The following ARHGEF7 variants were observed in gnomAD, a reference collection of about 807,000 sequenced individuals.
ARHGEF7 encodes the protein Rho guanine nucleotide exchange factor 7, also known as PAK-interacting exchange factor beta.
In ARHGEF7, 33 loss-of-function variants were observed where a neutral mutation model predicts 109.8. The ratio of observed to expected loss-of-function variants is 0.30; its 90% CI spans 0.23 to 0.40. The LOEUF (loss-of-function observed/expected upper bound fraction) is 0.40. ARHGEF7 is among the 10% of genes least tolerant of loss of function. ARHGEF7 has a pLI of 1.00. For synonymous variants in ARHGEF7, 458 were observed against 424.6 expected, an observed-to-expected ratio of 1.08 and a Z score of -0.97; for missense variants, 938 against 1,098.5, an observed-to-expected ratio of 0.85 and a Z score of 2.07.
At chr13:111,149,950 C>T (rs1401368911) in intron 1 of ARHGEF7, among the ~76,000 whole-genome samples, 1 of 152,164 alleles carries the variant, frequency 6.6e-6, no homozygotes, top group African/African-American at 2.4e-5. Flanking sequence ...TCAGTGAGTG[C>T]ACTGTGGTTT....
intron 3 of ARHGEF7, among the ~76,000 whole-genome samples, chr13:111,208,037 A>G (rs1046716496): frequency 6.6e-6 from 1 of 152,104 alleles, no homozygotes; most frequent in Non-Finnish European, 1.5e-5. Flanking sequence ...TGGGAAGGCA[A>G]TACCCGTACG....
intron 3 of ARHGEF7, among the ~76,000 whole-genome samples, chr13:111,206,917 G>C (rs1005461643): frequency 7.0e-6 from 1 of 142,456 alleles, no homozygotes; most frequent in East Asian, 2.0e-4. Context: ...AGCCGAGATC[G>C]CGCCACTGCA....
intron 2 of ARHGEF7, among the ~76,000 whole-genome samples, chr13:111,180,948 C>A (rs558587927): frequency 1.3e-5 from 2 of 152,306 alleles, no homozygotes; most frequent in African/African-American, 2.4e-5. Context: ...GTTCAAAATG[C>A]CCCCCATCAT....
At chr13:111,184,332 G>A (rs2079047555) in intron 2 of ARHGEF7, among the ~76,000 whole-genome samples, 2 of 152,144 alleles carry the variant, frequency 1.3e-5, no homozygotes, top group African/African-American at 2.4e-5. Context: ...GCGTGAGAAC[G>A]GACTAATACA....
At chr13:111,173,254 G>C (rs527300049) in intron 2 of ARHGEF7, among the ~76,000 whole-genome samples, 102 of 152,316 alleles carry the variant, frequency 6.7e-4, no homozygotes, top group Admixed American at 2.0e-3. Flanking sequence ...AATGCATACT[G>C]CCTGGGAGGG....
At chr13:111,132,973 TAC>T (rs372321958) in intron 1 of ARHGEF7, among the ~76,000 whole-genome samples, 28 of 152,234 alleles carry the variant, frequency 1.8e-4, no homozygotes, top group African/African-American at 6.5e-4. Context: ...CATGCATCTG[TAC>T]ACACATGTAT....
At chr13:111,219,210 T>A (rs2083512222) in intron 5 of ARHGEF7, among the ~76,000 whole-genome samples, 1 of 152,198 alleles carries the variant, frequency 6.6e-6, no homozygotes, top group Non-Finnish European at 1.5e-5. Flanking sequence ...CCATTCTGCT[T>A]TCTGTCTCTG....
intron 8 of ARHGEF7, among the ~76,000 whole-genome samples, chr13:111,256,196 C>T (rs933255881): frequency 6.6e-6 from 1 of 152,048 alleles, no homozygotes; most frequent in Admixed American, 6.5e-5. Context: ...ACGGCATAAA[C>T]CAAAGAAGGC....
intron 2 of ARHGEF7, among the ~76,000 whole-genome samples, chr13:111,181,101 TTAG>T (rs771235293): frequency 1.3e-5 from 2 of 152,250 alleles, no homozygotes; most frequent in Non-Finnish European, 2.9e-5. Context: ...TGTTTATCTC[TTAG>T]TGGTGAATTT....
intron 5 of ARHGEF7, among the ~76,000 whole-genome samples, chr13:111,224,509 T>C (rs1220769061): frequency 2.0e-5 from 3 of 152,354 alleles, no homozygotes; most frequent in East Asian, 1.9e-4. Flanking sequence ...TATTATCTGT[T>C]GTAAAGACAT....
rs1428204441 is a variant in ARHGEF7, at chr13:111,233,713, T to C, written c.759+420T>C. On this transcript the variant is annotated intron_variant, in intron 6 of 21. Coordinates refer to ENST00000646102, the MANE Select transcript of ARHGEF7 (RefSeq NM_001354046.2). Reference sequence around the variant, plus strand: ...TAATTTATTTTTTCTCTTAATATAGTGTTTCCCAGGATTGATGTGTACATA... The same window carrying C: ...TAATTTATTTTTTCTCTTAATATAGCGTTTCCCAGGATTGATGTGTACATA... 3.9e-5 allele frequency among the ~76,000 whole-genome samples: 6 copies of C among 152,364 alleles called. No homozygotes were observed. In the South Asian group the frequency reaches 1.2e-3, roughly 32 times the overall value.
intron 2 of ARHGEF7, among the ~76,000 whole-genome samples, chr13:111,167,045 C>T (rs542728175): frequency 1.5e-4 from 23 of 152,292 alleles, no homozygotes; most frequent in Admixed American, 5.9e-4. Context: ...TGCGTACTGA[C>T]GTTGCTCATT....
chr13:111,248,894 G>C (rs952016410), intron 8 of ARHGEF7, among the ~76,000 whole-genome samples: 2 of 152,124 alleles, frequency 1.3e-5, no homozygotes, highest in Admixed American at 1.3e-4. Context: ...TTTACTGTGG[G>C]TTGTAGACTC....
intron 6 of ARHGEF7, among the ~76,000 whole-genome samples, chr13:111,237,226 C>T (rs2086958475): frequency 6.6e-6 from 1 of 152,064 alleles, no homozygotes; most frequent in Admixed American, 6.5e-5. Flanking sequence ...ACAAGGTTAT[C>T]CTTAATGTCT....
chr13:111,133,499 C>T (rs2074895321), intron 1 of ARHGEF7, among the ~76,000 whole-genome samples: 1 of 151,806 alleles, frequency 6.6e-6, no homozygotes, highest in Non-Finnish European at 1.5e-5. Flanking sequence ...AATGGCAGAG[C>T]TGCTCAACAC....
intron 1 of ARHGEF7, chr13:111,144,701 G>A (rs1450214745): frequency 2.0e-5 from 3 of 152,238 alleles, no homozygotes; most frequent in Non-Finnish European, 4.4e-5. Flanking sequence ...ATCTCTGCAT[G>A]ACATGGTGGA....
intron 5 of ARHGEF7, among the ~76,000 whole-genome samples, chr13:111,232,938 C>T (rs2086295084): frequency 1.3e-5 from 2 of 152,168 alleles, no homozygotes; most frequent in Admixed American, 1.3e-4. Flanking sequence ...GGCTGGCATT[C>T]GTGGAGCAGT....
At chr13:111,276,092 C>T (rs1389632948) in intron 12 of ARHGEF7, 2 of 198,474 alleles carry the variant, frequency 1.0e-5, no homozygotes, top group African/African-American at 4.5e-5. Context: ...TGAAAGTATG[C>T]TAGCTGACAT....
chr13:111,132,553 G>T (rs1259136564), intron 1 of ARHGEF7, among the ~76,000 whole-genome samples: 6 of 152,182 alleles, frequency 3.9e-5, no homozygotes, highest in Non-Finnish European at 1.5e-5. Context: ...CTATTGTTGT[G>T]AGAATGTTAT....
Sources: allele counts gnomAD v4.1 joint callset (sites outside exome capture counted in the v4.1 genomes callset), GRCh38; gene constraint gnomAD v4.1.1; transcripts MANE v1.5; gene names NCBI Gene and HGNC (gene_info 2026-07-23, HGNC 2026-07-21).